The following EDRF1 variants were observed in gnomAD, a reference collection of about 807,000 sequenced individuals.
EDRF1 encodes the protein erythroid differentiation-related factor 1.
In EDRF1, 69 loss-of-function variants were observed where a neutral mutation model predicts 148.7. That is an observed-to-expected ratio of 0.46 (90% CI 0.38 to 0.57). The LOEUF (loss-of-function observed/expected upper bound fraction) is 0.57. Ranked by LOEUF, EDRF1 falls within the 20% of genes least tolerant of loss-of-function variation. The pLI, the probability that EDRF1 is intolerant of heterozygous loss-of-function variation, is 0.00. For missense variants in EDRF1, 1,118 were observed against 1,478.7 expected, an observed-to-expected ratio of 0.76 and a Z score of 4.00; for synonymous variants, 515 against 532.8, an observed-to-expected ratio of 0.97 and a Z score of 0.46.
chr10:125,754,554 C>CAGAAGCAGGAG (rs761146016), intron 24 of EDRF1, among the ~76,000 whole-genome samples: 14 of 152,202 alleles, frequency 9.2e-5, no homozygotes, highest in African/African-American at 2.9e-4. Flanking sequence ...GGACAGAACA[C>CAGAAGCAGGAG]AGAAGCAGGA....
chr10:125,760,149 G>A (rs1268130060), intron 24 of EDRF1, among the ~76,000 whole-genome samples: 1 of 152,226 alleles, frequency 6.6e-6, no homozygotes, highest in Non-Finnish European at 1.5e-5. Flanking sequence ...ACTGCATATG[G>A]TAACAAGGCT....
intron 24 of EDRF1, among the ~76,000 whole-genome samples, chr10:125,759,437 G>A (rs184563711): frequency 2.9e-3 from 435 of 152,062 alleles, no homozygotes; most frequent in Non-Finnish European, 3.8e-3. Context: ...GACTTTTTCC[G>A]GTTCTGCACC....
Position 125,735,648 on chromosome 10 carries a change from T to C in EDRF1, c.1502T>C (p.Ile501Thr), listed in dbSNP as rs1482845992. 1.2e-6 allele frequency: 2 copies of C among 1,612,660 alleles called. No individual in the cohort carries two copies. Among genetic ancestry groups the C allele is most frequent in the Admixed American group, 1.7e-5 (1 of 59,910 alleles). The change falls in exon 13 of 25, where the codon ATT becomes ACT. Residue 501 changes from isoleucine (I) to threonine (T), a missense_variant. By Grantham distance (89) the Ile-to-Thr change is moderately conservative. Transcript: ENST00000356792. ...TATTTCTCTCTTTTTCATAAGATTATTGCTTCCGCCAATTACATGCTTTCA... is the reference window on the plus strand; with the variant it reads ...TATTTCTCTCTTTTTCATAAGATTACTGCTTCCGCCAATTACATGCTTTCA... ...LLDKSRHPQI[I>T]ASANYMLSEL...
rs1589813761 is a variant in EDRF1, at chr10:125,721,416, A to G, written c.317+4A>G. The G allele has an allele frequency of 1.9e-6, 3 of 1,613,888 alleles. No individual in the cohort carries two copies. In the East Asian group the frequency reaches 6.7e-5, roughly 36 times the overall value. Reference sequence around the variant, plus strand: ...AGAAAAGCAAGCCATTTTCAAGGTAAATATTAATCAGTGGCATTTTTACCT... The same window carrying G: ...AGAAAAGCAAGCCATTTTCAAGGTAGATATTAATCAGTGGCATTTTTACCT... On this transcript the variant is annotated splice_donor_region_variant and intron_variant, in intron 2 of 24. Transcript: ENST00000356792.
chr10:125,734,787 C>G (rs901421811), intron 12 of EDRF1, among the ~76,000 whole-genome samples: 1 of 152,166 alleles, frequency 6.6e-6, no homozygotes, highest in Non-Finnish European at 1.5e-5. Flanking sequence ...ACCATCCTTA[C>G]CCTCGGTTGT....
rs141107314 is a variant in EDRF1 at position 125,724,253 on chromosome 10, T to G, written c.510+317T>G. On this transcript the variant is annotated intron_variant, in intron 4 of 24. Coordinates refer to ENST00000356792, the MANE Select transcript of EDRF1 (RefSeq NM_001202438.2). ...TAATATTTTTAAGAATCCTTTAACG[T>G]CTCCCTTAAACAGATTCTCAGGAAA... is the stretch of plus-strand genomic sequence containing the variant. Among the ~76,000 whole-genome samples, 117 of 152,286 alleles carry G rather than the reference T, an allele frequency of 7.7e-4. 2 individuals carry two copies. In the South Asian group the frequency reaches 0.01, roughly 13 times the overall value.
intron 22 of EDRF1, among the ~76,000 whole-genome samples, chr10:125,751,570 G>T (rs1849643388): frequency 6.6e-6 from 1 of 152,174 alleles, no homozygotes; most frequent in African/African-American, 2.4e-5. Flanking sequence ...ATTTTAAAGA[G>T]AATAGGTTGT....
At chr10:125,749,718 T>A in intron 22 of EDRF1, 153 bp downstream of exon 22, 1 of 866,058 alleles carries the variant, frequency 1.2e-6, no homozygotes, top group Non-Finnish European at 1.8e-6. Context: ...GAGAAATCAC[T>A]ACATGTTTTG....
chr10:125,753,959 C>A, intron 24 of EDRF1, 114 bp downstream of exon 24: 4 of 1,154,260 alleles, frequency 3.5e-6, no homozygotes, highest in Non-Finnish European at 5.0e-6. Flanking sequence ...CTCACACCTG[C>A]AATCCCAGCA....
chr10:125,758,522 T>C (rs1850028002), intron 24 of EDRF1, among the ~76,000 whole-genome samples: 1 of 152,176 alleles, frequency 6.6e-6, no homozygotes, highest in Non-Finnish European at 1.5e-5. Context: ...GTGGAATTCA[T>C]TTTTCTAGCC....
At chr10:125,721,541 A>AT in intron 2 of EDRF1, 129 bp downstream of exon 2, 1 of 909,796 alleles carries the variant, frequency 1.1e-6, no homozygotes, top group South Asian at 1.4e-5. Flanking sequence ...ATCACATTTG[A>AT]TTTTCAAAGG....
At chr10:125,749,383 A>AT in intron 21 of EDRF1, 29 bp from the exon 22 acceptor site, 7 of 1,614,120 alleles carry the variant, frequency 4.3e-6, no homozygotes, top group Non-Finnish European at 5.9e-6. Context: ...ACCGTGAAGG[A>AT]TTTGTTGCTT....
At position 125,763,867 on chromosome 10, in the gene EDRF1, C is replaced by G; in HGVS notation, c.*395C>G. On this transcript the variant is annotated 3_prime_UTR_variant, in exon 25 of 25. Coordinates refer to ENST00000356792, the MANE Select transcript of EDRF1 (RefSeq NM_001202438.2). The surrounding 1 kb of genome is among the most constrained non-coding windows in gnomAD (Gnocchi z 4.3). ...TTTTATCCAGATGACATTACAGGTT[C>G]AAGTGGGTTAAGGAGACCTCCTGTA... 1 of 276,000 alleles carries G rather than the reference C, an allele frequency of 3.6e-6. No homozygotes were observed. Among genetic ancestry groups the G allele is most frequent in the Non-Finnish European group, 7.1e-6 (1 of 141,526 alleles). 17.1% of individuals were successfully genotyped at this position (276,000 alleles called of 1,614,324 possible).
At chr10:125,761,921 G>T (rs1331263368) in intron 24 of EDRF1, among the ~76,000 whole-genome samples, 3 of 151,880 alleles carry the variant, frequency 2.0e-5, no homozygotes, top group African/African-American at 7.3e-5. Context: ...TTTTCTATAA[G>T]ATTATCAAAG....
rs368441281 is a variant in EDRF1, at chr10:125,725,855, T to G, written c.792+17T>G. The G allele has an allele frequency of 6.0e-5, 97 of 1,610,268 alleles. No individual in the cohort carries two copies. The highest frequency in any genetic ancestry group is 7.9e-5 in the Non-Finnish European group (93 of 1,179,614). On this transcript the variant is annotated intron_variant, in intron 6 of 24. Transcript: ENST00000356792. Reference sequence around the variant, plus strand: ...TCCAGTCAGGTTAGTACTTAAATGCTAATTCTAGAAACTCACATAGGAAAA... The same window carrying G: ...TCCAGTCAGGTTAGTACTTAAATGCGAATTCTAGAAACTCACATAGGAAAA...
intron 13 of EDRF1, among the ~76,000 whole-genome samples, chr10:125,736,799 T>C (rs1848760233): frequency 6.6e-6 from 1 of 151,934 alleles, no homozygotes; most frequent in South Asian, 2.1e-4. Flanking sequence ...GGTCTGTTCA[T>C]GGCTGCCTTT....
At chr10:125,738,563 T>TGTGAACTGGAATTAGGGGTA in intron 15 of EDRF1, 118 bp downstream of exon 15, 1 of 1,223,416 alleles carries the variant, frequency 8.2e-7, no homozygotes, top group Non-Finnish European at 1.2e-6. Flanking sequence ...AAAGATATCC[T>TGTGAACTGGAATTAGGGGTA]GTGAACTGGA....
chr10:125,758,221 A>G (rs1419244025), intron 24 of EDRF1, among the ~76,000 whole-genome samples: 3 of 152,182 alleles, frequency 2.0e-5, no homozygotes, highest in Admixed American at 6.5e-5. Flanking sequence ...TCTCTGCTGA[A>G]ATCACCAATC....
intron 15 of EDRF1, 53 bp downstream of exon 15, chr10:125,738,498 C>G (rs1023364825): frequency 6.2e-7 from 1 of 1,603,512 alleles, no homozygotes; most frequent in Non-Finnish European, 8.5e-7. Flanking sequence ...TACACTGGTT[C>G]TTTATCAACA....
Sources: allele counts gnomAD v4.1 joint callset (sites outside exome capture counted in the v4.1 genomes callset), GRCh38; gene constraint gnomAD v4.1.1; non-coding constraint Gnocchi (gnomAD v3.1); transcripts MANE v1.5; gene names NCBI Gene and HGNC (gene_info 2026-07-23, HGNC 2026-07-21).